Variants in CADM2 observed in about 807,000 individuals in gnomAD.
The protein encoded by CADM2 is immunoglobulin superfamily member 4D.
Under a neutral mutation model 49.8 loss-of-function variants are expected in CADM2, and 12 were observed. That is an observed-to-expected ratio of 0.24 (90% CI 0.15 to 0.39). The LOEUF is 0.39. Among genes scored for constraint, CADM2 ranks in the 10% least tolerant of loss-of-function variants. The pLI, the probability that CADM2 is intolerant of heterozygous loss-of-function variation, is 1.00. For missense variants in CADM2, 378 were observed against 492.3 expected (o/e 0.77, Z 2.20); for synonymous variants, 214 against 175.4 (o/e 1.22, Z -1.74).
At chr3:85,605,399 C>T (rs2063515732) in intron 1 of CADM2, among the ~76,000 whole-genome samples, 2 of 151,890 alleles carry the variant, frequency 1.3e-5, no homozygotes, top group African/African-American at 4.8e-5. Flanking sequence ...CCATTAAGAA[C>T]TTGGGTCATT....
intron 1 of CADM2, among the ~76,000 whole-genome samples, chr3:85,168,527 C>T (rs1475444289): frequency 6.6e-6 from 1 of 152,054 alleles, no homozygotes; most frequent in Non-Finnish European, 1.5e-5. Flanking sequence ...TATAATATTT[C>T]AAGAAACATA....
At chr3:85,080,308 C>T (rs1049968960) in intron 1 of CADM2, among the ~76,000 whole-genome samples, 2 of 151,864 alleles carry the variant, frequency 1.3e-5, no homozygotes, top group Non-Finnish European at 2.9e-5. Flanking sequence ...GTCACTTTAG[C>T]GGACCATGGA....
intron 1 of CADM2, among the ~76,000 whole-genome samples, chr3:85,586,474 C>A (rs2062949752): frequency 6.6e-6 from 1 of 151,918 alleles, no homozygotes; most frequent in African/African-American, 2.4e-5. Context: ...ATTACAAGTG[C>A]AATATTTCAT....
chr3:85,780,643 TTGATCAGTCCTCCTGGATATGCTTC>T (rs1443924581), intron 2 of CADM2, among the ~76,000 whole-genome samples: 6 of 152,352 alleles, frequency 3.9e-5, no homozygotes, highest in Admixed American at 2.0e-4. Flanking sequence ...CAGGCATATG[TTGATCAGTCCTCCTGGATATGCTTC>T]TGATCTTTTA....
chr3:85,726,387 T>C lies in CADM2; in HGVS notation c.62-135T>C, dbSNP rs2067696722. ...ATGTAACAATAGTCATTTTGTTTCT[T>C]AGGCTGTTGATCATGAAATCACAAA... On this transcript the variant is annotated intron_variant, in intron 1 of 9. Coordinates refer to ENST00000383699, the MANE Select transcript of CADM2 (RefSeq NM_001167675.2). 6 of 915,304 alleles carry C rather than the reference T, an allele frequency of 6.6e-6. No individual in the cohort carries two copies. The South Asian group carries it at 8.5e-5, about 13-fold the overall frequency. 56.7% of individuals were successfully genotyped at this position (915,304 alleles called of 1,614,324 possible).
intron 1 of CADM2, among the ~76,000 whole-genome samples, chr3:85,317,146 G>T (rs891097898): frequency 1.3e-5 from 2 of 151,940 alleles, no homozygotes; most frequent in Non-Finnish European, 1.5e-5. Context: ...GGGGATGGGG[G>T]GTGGTGGTGA....
intron 1 of CADM2, among the ~76,000 whole-genome samples, chr3:85,065,108 A>T (rs2036478190): frequency 6.6e-6 from 1 of 152,046 alleles, no homozygotes; most frequent in South Asian, 2.1e-4. Flanking sequence ...TTTTTTTCCC[A>T]CTTGTGAATT....
chr3:85,037,636 G>T (rs1221125944), intron 1 of CADM2, among the ~76,000 whole-genome samples: 6 of 152,088 alleles, frequency 3.9e-5, no homozygotes, highest in Admixed American at 6.6e-5. Context: ...CTCACTGTGT[G>T]GTAGACTTTT....
chr3:85,250,939 A>G (rs993384609), intron 1 of CADM2, among the ~76,000 whole-genome samples: 1 of 151,750 alleles, frequency 6.6e-6, no homozygotes, highest in Non-Finnish European at 1.5e-5. Flanking sequence ...TGAGTTTCTT[A>G]TGTTGCTGTT....
At chr3:85,509,280 G>A (rs1303258168) in intron 1 of CADM2, among the ~76,000 whole-genome samples, 4 of 152,026 alleles carry the variant, frequency 2.6e-5, no homozygotes, top group African/African-American at 7.2e-5. Flanking sequence ...CTATAGTAGG[G>A]GAAAGTAGAA....
At chr3:86,024,998 C>T (rs1477653637) in intron 8 of CADM2, among the ~76,000 whole-genome samples, 1 of 151,834 alleles carries the variant, frequency 6.6e-6, no homozygotes, top group East Asian at 1.9e-4. Context: ...CATGCCTTGG[C>T]CTTCTGAGTA....
At chr3:85,708,971 G>A (rs1197165809) in intron 1 of CADM2, among the ~76,000 whole-genome samples, 1 of 149,370 alleles carries the variant, frequency 6.7e-6, no homozygotes, top group Non-Finnish European at 1.5e-5. Flanking sequence ...CTAGGCTTTT[G>A]CCTGATACAA....
intron 8 of CADM2, chr3:86,014,467 C>T: frequency 1.3e-6 from 2 of 1,497,684 alleles, no homozygotes; most frequent in Non-Finnish European, 8.9e-7. Context: ...AATTTGGTAA[C>T]CAAACTTGAT....
chr3:85,675,875 G>A (rs1349713059), intron 1 of CADM2, among the ~76,000 whole-genome samples: 1 of 152,086 alleles, frequency 6.6e-6, no homozygotes, highest in African/African-American at 2.4e-5. Flanking sequence ...AGAGACAGAC[G>A]GCATTTGGAA....
intron 7 of CADM2, among the ~76,000 whole-genome samples, chr3:85,939,086 C>T (rs752992108): frequency 6.6e-6 from 1 of 151,966 alleles, no homozygotes; most frequent in African/African-American, 2.4e-5. Flanking sequence ...GCCTGGTGTT[C>T]CGAACCTGCC....
intron 1 of CADM2, among the ~76,000 whole-genome samples, chr3:85,459,540 AG>A (rs1332121868): frequency 6.6e-6 from 1 of 152,198 alleles, no homozygotes; most frequent in Admixed American, 6.5e-5. Context: ...AAAAGAAAAA[AG>A]TTACATTCTT....
chr3:85,931,941 AT>A, intron 6 of CADM2, among the ~76,000 whole-genome samples: 1 of 151,410 alleles, frequency 6.6e-6, no homozygotes, highest in South Asian at 2.1e-4. Context: ...TGGTTTAATA[AT>A]TTTTAAGAGA....
intron 1 of CADM2, among the ~76,000 whole-genome samples, chr3:85,150,667 G>C (rs966848007): frequency 2.0e-5 from 3 of 151,964 alleles, no homozygotes; most frequent in Non-Finnish European, 4.4e-5. Flanking sequence ...CACTTTGGGA[G>C]GCTGAGGTGG....
At chr3:85,116,600 A>G (rs756924606) in intron 1 of CADM2, among the ~76,000 whole-genome samples, 2 of 152,176 alleles carry the variant, frequency 1.3e-5, no homozygotes, top group Non-Finnish European at 2.9e-5. Flanking sequence ...TTTACATTAT[A>G]TACTTCTCAA....
Sources: allele counts gnomAD v4.1 joint callset (sites outside exome capture counted in the v4.1 genomes callset), GRCh38; gene constraint gnomAD v4.1.1; transcripts MANE v1.5; gene names NCBI Gene and HGNC (gene_info 2026-07-23, HGNC 2026-07-21).